Variants in MKRN2 observed in about 807,000 individuals in gnomAD.
The protein encoded by MKRN2 is makorin ring finger protein 2.
MKRN2 carries 32 observed loss-of-function variants against 45.4 expected under a neutral mutation model. That is an observed-to-expected ratio of 0.70 (90% CI 0.53 to 0.95). The LOEUF is 0.95. MKRN2 is among the 40% of genes least tolerant of loss of function. The pLI, the probability that MKRN2 is intolerant of heterozygous loss-of-function variation, is 0.00. For missense variants in MKRN2, 526 were observed against 536.7 expected (o/e 0.98, Z 0.20); for synonymous variants, 206 against 192.4 (o/e 1.07, Z -0.59).
In MKRN2 at chr3:12,576,579, G is replaced by A. The variant is rs2058138335; in HGVS notation, c.858-52G>A. 8.3e-6 allele frequency: 11 copies of A among 1,326,172 alleles called. No homozygotes were observed. The South Asian group carries it at 1.3e-4, about 16-fold the overall frequency. 82.2% of individuals were successfully genotyped at this position (1,326,172 alleles called of 1,614,324 possible). On this transcript the variant is annotated intron_variant, in intron 5 of 7. Coordinates refer to ENST00000170447, the MANE Select transcript of MKRN2 (RefSeq NM_014160.5). ...GAGCAAGAGGTTTAGCAGAGAGTGT[G>A]CCCAGGCTTCGTAACATGACTTCTC...
intron 2 of MKRN2, among the ~76,000 whole-genome samples, 176 bp downstream of exon 2, chr3:12,569,179 T>G (rs1249146704): frequency 6.6e-6 from 1 of 152,122 alleles, no homozygotes; most frequent in Non-Finnish European, 1.5e-5. Context: ...TTTTTTTTTT[T>G]GAGATAGAGT....
intron 4 of MKRN2, among the ~76,000 whole-genome samples, chr3:12,573,335 G>A (rs1306412132): frequency 6.6e-6 from 1 of 151,600 alleles, no homozygotes; most frequent in African/African-American, 2.4e-5. Flanking sequence ...GACCAGCCTG[G>A]GCAACATGGT....
intron 6 of MKRN2, among the ~76,000 whole-genome samples, chr3:12,578,206 A>T: frequency 6.7e-6 from 1 of 148,396 alleles, no homozygotes; most frequent in Non-Finnish European, 1.5e-5. Context: ...ATTTCCTTGA[A>T]CTCTTGTCTT....
chr3:12,562,070 C>T (rs762442835), intron 1 of MKRN2, among the ~76,000 whole-genome samples: 20 of 152,044 alleles, frequency 1.3e-4, no homozygotes, highest in Non-Finnish European at 2.2e-4. Flanking sequence ...TGGGTGCAGG[C>T]TTCCTACATC....
intron 6 of MKRN2, among the ~76,000 whole-genome samples, chr3:12,581,368 G>T (rs774747847): frequency 2.0e-5 from 3 of 152,202 alleles, no homozygotes; most frequent in Non-Finnish European, 4.4e-5. Flanking sequence ...CAGCACTGCG[G>T]CCAGGAGGAA....
chr3:12,572,365 C>T lies in MKRN2; in HGVS notation c.634C>T (p.His212Tyr), dbSNP rs771408414. ...HPFDPEQRKA[H>Y]EKICMLTFEH... Reference sequence around the variant, plus strand: ...ATTCGACCCAGAGCAGAGGAAGGCTCATGAAAAGGTAAAGTCACAAACCTT... The same window carrying T: ...ATTCGACCCAGAGCAGAGGAAGGCTTATGAAAAGGTAAAGTCACAAACCTT... The change falls in exon 4 of 8, where the codon CAT becomes TAT. Residue 212 changes from histidine to tyrosine, a missense_variant. Physicochemically the swap from His to Tyr is moderately conservative, Grantham distance 83 (BLOSUM62 2). Coordinates refer to ENST00000170447, the MANE Select transcript of MKRN2 (RefSeq NM_014160.5). 2 of 1,565,558 alleles carry T rather than the reference C, an allele frequency of 1.3e-6. No homozygotes were observed. Among genetic ancestry groups the T allele is most frequent in the Admixed American group, 1.9e-5 (1 of 53,922 alleles).
At chr3:12,562,797 C>G (rs890491905) in intron 1 of MKRN2, among the ~76,000 whole-genome samples, 5 of 151,894 alleles carry the variant, frequency 3.3e-5, no homozygotes, top group African/African-American at 9.7e-5. Flanking sequence ...TTATGAGAAT[C>G]TAATGCCTGA....
At chr3:12,577,866 G>A (rs1447610595) in intron 6 of MKRN2, among the ~76,000 whole-genome samples, 1 of 152,008 alleles carries the variant, frequency 6.6e-6, no homozygotes, top group South Asian at 2.1e-4. Context: ...TAGTAGAAAC[G>A]GGGTTTCACC....
Position 12,581,909 on chromosome 3 carries a change from C to T in MKRN2, c.1070C>T (p.Pro357Leu). ...HAYPDGRLAE[P>L]EKPRKQLSSQ... Reference sequence around the variant, plus strand: ...TACCCCGATGGGCGGCTAGCAGAGCCTGAGAAACCTCGGAAACAGCTCAGT... The same window carrying T: ...TACCCCGATGGGCGGCTAGCAGAGCTTGAGAAACCTCGGAAACAGCTCAGT... The change falls in exon 7 of 8, where the codon CCT (proline) becomes CTT (leucine). Residue 357 changes from proline to leucine, a missense_variant. Transcript: ENST00000170447. 6.2e-7 allele frequency: 1 copy of T among 1,614,174 alleles called. No homozygotes were observed.
At chr3:12,558,532 T>A (rs1044755123) in intron 1 of MKRN2, among the ~76,000 whole-genome samples, 1 of 151,932 alleles carries the variant, frequency 6.6e-6, no homozygotes, top group African/African-American at 2.4e-5. Context: ...CACAAAACAG[T>A]ACACATTTAT....
At chr3:12,563,980 C>G (rs972725291) in intron 1 of MKRN2, among the ~76,000 whole-genome samples, 1 of 151,814 alleles carries the variant, frequency 6.6e-6, no homozygotes, top group Admixed American at 6.6e-5. Context: ...CAGATTCACT[C>G]TGTTGCCCAG....
At chr3:12,575,782 C>G (rs112874973) in intron 5 of MKRN2, among the ~76,000 whole-genome samples, 1,737 of 152,260 alleles carry the variant, frequency 0.011, 25 homozygotes, top group African/African-American at 0.04. Context: ...GAATTTGGGG[C>G]CTTTTGTGCC....
chr3:12,570,317 C>CT, intron 3 of MKRN2, 65 bp downstream of exon 3: 1 of 1,487,058 alleles, frequency 6.7e-7, no homozygotes, highest in Non-Finnish European at 9.2e-7. Context: ...CTTGGTGCTC[C>CT]TTTCTAGCCT....
At chr3:12,568,683 G>T (rs1445499950) in intron 1 of MKRN2, among the ~76,000 whole-genome samples, 192 bp from the exon 2 acceptor site, 1 of 152,182 alleles carries the variant, frequency 6.6e-6, no homozygotes, top group African/African-American at 2.4e-5. Flanking sequence ...AGCTGTCATT[G>T]AATCAGTTGT....
intron 4 of MKRN2, 48 bp downstream of exon 4, chr3:12,572,421 G>T: frequency 6.7e-7 from 1 of 1,497,180 alleles, no homozygotes; most frequent in Non-Finnish European, 9.0e-7. Context: ...AATCTGAAAT[G>T]TACTGAACAG....
At position 12,582,223 on chromosome 3, in the gene MKRN2, C is replaced by T. The variant is rs34924942; in HGVS notation, c.1221C>T (p.His407=). 3.4e-3 allele frequency: 5,448 copies of T among 1,614,102 alleles called. 14 individuals carry two copies. The highest frequency in any genetic ancestry group is 4.2e-3 in the Non-Finnish European group (4,944 of 1,180,010). The part of the protein sequence containing the change: ...DMTELGDLFM[H]LSGVESSEP ...CAGAGCTCGGGGACCTCTTCATGCA[C>T]CTTTCTGGAGTGGAATCATCAGAAC... The change falls in exon 8 of 8, where the codon CAC becomes CAT. Residue 407 remains histidine, a synonymous_variant. Coordinates refer to ENST00000170447, the MANE Select transcript of MKRN2 (RefSeq NM_014160.5).
At chr3:12,567,074 A>G (rs975574063) in intron 1 of MKRN2, among the ~76,000 whole-genome samples, 5 of 151,568 alleles carry the variant, frequency 3.3e-5, no homozygotes, top group African/African-American at 1.2e-4. Flanking sequence ...AGGTCACATT[A>G]TTTTCTGCTT....
At chr3:12,576,535 C>A in intron 5 of MKRN2, 96 bp from the exon 6 acceptor site, 2 of 756,220 alleles carry the variant, frequency 2.6e-6, no homozygotes, top group Non-Finnish European at 4.5e-6. Flanking sequence ...AAGGAAATGC[C>A]TGTAGTGGTG....
At chr3:12,565,218 CCTCCTTTAGT>C (rs1559387322) in intron 1 of MKRN2, among the ~76,000 whole-genome samples, 1 of 152,166 alleles carries the variant, frequency 6.6e-6, no homozygotes, top group Admixed American at 6.6e-5. Context: ...CCAAACTCAG[CCTCCTTTAGT>C]TACATGGCAC....
Sources: gnomAD v4.1 joint callset for allele counts (sites outside exome capture counted in the v4.1 genomes callset) on GRCh38, gnomAD v4.1.1 for gene constraint, MANE v1.5 for transcripts, NCBI Gene and HGNC (gene_info 2026-07-23, HGNC 2026-07-21) for gene names.